MRPL1: variants seen among roughly 807,000 people sequenced by gnomAD.
MRPL1 encodes the protein mitochondrial ribosomal protein L1, also known as large ribosomal subunit protein uL1m.
Under a neutral mutation model 38.0 loss-of-function variants are expected in MRPL1, and 28 were observed. That is an observed-to-expected ratio of 0.74 (90% confidence interval 0.55 to 1.01). The LOEUF is 1.01. MRPL1 is among the 50% of genes least tolerant of loss of function. The pLI, the probability that MRPL1 is intolerant of heterozygous loss-of-function variation, is 0.00. For missense variants in MRPL1, 358 were observed against 389.8 expected (o/e 0.92, Z 0.69); for synonymous variants, 123 against 126.7 (o/e 0.97, Z 0.20).
At chr4:77,882,330 T>C (rs866029626) in intron 2 of MRPL1, among the ~76,000 whole-genome samples, 1 of 152,236 alleles carries the variant, frequency 6.6e-6, no homozygotes, top group African/African-American at 2.4e-5. Flanking sequence ...TAAGGTATCA[T>C]ATAATTACAT....
chr4:77,874,827 G>A (rs1197914325), intron 2 of MRPL1, among the ~76,000 whole-genome samples: 2 of 148,854 alleles, frequency 1.3e-5, no homozygotes, highest in East Asian at 2.0e-4. Flanking sequence ...TGTCGCCCAG[G>A]CTGGAGTGCA....
At chr4:77,936,798 G>T (rs1165696247) in intron 7 of MRPL1, among the ~76,000 whole-genome samples, 2 of 152,078 alleles carry the variant, frequency 1.3e-5, no homozygotes, top group African/African-American at 4.8e-5. Flanking sequence ...TGCATTCTGT[G>T]TCTATGTACG....
chr4:77,947,026 A>AG (rs554725956), intron 7 of MRPL1, among the ~76,000 whole-genome samples: 9,885 of 149,368 alleles, frequency 0.066, 587 homozygotes, highest in African/African-American at 0.15. Context: ...AAAAAAAAAA[A>AG]GTTAAGAACC....
chr4:77,874,867 C>T (rs1461646556), intron 2 of MRPL1, among the ~76,000 whole-genome samples: 6 of 150,912 alleles, frequency 4.0e-5, no homozygotes, highest in Middle Eastern at 3.2e-3. Flanking sequence ...CTGCAACCTC[C>T]GCCTCCCAGG....
At chr4:77,894,497 C>T (rs1735872302) in intron 6 of MRPL1, among the ~76,000 whole-genome samples, 1 of 152,034 alleles carries the variant, frequency 6.6e-6, no homozygotes, top group African/African-American at 2.4e-5. Context: ...CAAAGTCTAG[C>T]TCCCAATTAG....
intron 7 of MRPL1, among the ~76,000 whole-genome samples, chr4:77,912,056 A>T (rs1005323266): frequency 7.9e-5 from 12 of 152,344 alleles, no homozygotes; most frequent in African/African-American, 2.9e-4. Context: ...TTCTGATTAA[A>T]AAGTCTCAGC....
In MRPL1 at chr4:77,909,312, T is replaced by C. The variant is rs777246610; in HGVS notation, c.717T>C (p.Asn239=). 5.0e-6 allele frequency: 8 copies of C among 1,612,168 alleles called. No individual in the cohort carries two copies. The highest frequency in any genetic ancestry group is 5.9e-6 in the Non-Finnish European group (7 of 1,179,280). The change falls in exon 7 of 9, where the codon AAT becomes AAC. Residue 239 remains asparagine (N), a synonymous_variant. Coordinates refer to ENST00000315567, the MANE Select transcript of MRPL1 (RefSeq NM_020236.4). ...DIPKMLELFK[N]GHEIKVDEER... ...CCAAAATGCTTGAATTATTTAAAAA[T>C]GGACATGAAATTAAGGTAGATGAAG...
At chr4:77,926,764 G>A (rs144244309) in intron 7 of MRPL1, among the ~76,000 whole-genome samples, 6,836 of 151,678 alleles carry the variant, frequency 0.045, 190 homozygotes, top group African/African-American at 0.076. Flanking sequence ...GCATGCCACC[G>A]TGCCCAGCTA....
intron 7 of MRPL1, among the ~76,000 whole-genome samples, chr4:77,930,942 C>T (rs1278549020): frequency 6.6e-6 from 1 of 152,144 alleles, no homozygotes; most frequent in African/African-American, 2.4e-5. Flanking sequence ...GGGGGAAAGA[C>T]TCAATGACGA....
At chr4:77,872,100 C>A (rs1735293411) in intron 2 of MRPL1, among the ~76,000 whole-genome samples, 1 of 152,086 alleles carries the variant, frequency 6.6e-6, no homozygotes, top group Non-Finnish European at 1.5e-5. Context: ...TGTTATTATG[C>A]ACAATTTACA....
chr4:77,945,055 TGAATAA>T lies in MRPL1; in HGVS notation c.778-4736_778-4731del, dbSNP rs142062792. Among the ~76,000 whole-genome samples, 1,105 of 151,662 alleles carry T rather than the reference TGAATAA, an allele frequency of 7.3e-3. 6 individuals carry two copies. The highest frequency in any genetic ancestry group is 9.1e-3 in the Non-Finnish European group (620 of 67,926). On this transcript the variant is annotated intron_variant, in intron 7 of 8. Transcript: ENST00000315567. ...TACCTCATAAGGTTCTTGGGAGAAATGAATAAGAATATCTATGTGAACACTCAGAGT... is the reference window on the plus strand; with the variant it reads ...TACCTCATAAGGTTCTTGGGAGAAATGAATATCTATGTGAACACTCAGAGT...
intron 7 of MRPL1, among the ~76,000 whole-genome samples, chr4:77,940,878 C>A (rs1177724394): frequency 1.3e-5 from 2 of 152,170 alleles, no homozygotes; most frequent in African/African-American, 4.8e-5. Context: ...ACTATGCCTG[C>A]ATCCTGATAT....
chr4:77,882,228 T>G (rs1191932589), intron 2 of MRPL1, among the ~76,000 whole-genome samples: 1 of 152,228 alleles, frequency 6.6e-6, no homozygotes, highest in African/African-American at 2.4e-5. Context: ...AATAGCTTCC[T>G]TCTTATACCA....
chr4:77,945,752 A>G (rs919062192), intron 7 of MRPL1, among the ~76,000 whole-genome samples: 5 of 152,102 alleles, frequency 3.3e-5, no homozygotes, highest in Admixed American at 6.6e-5. Flanking sequence ...GTTTTTATTG[A>G]GGACTTCAAA....
chr4:77,870,692 G>A (rs1735261879), intron 1 of MRPL1, among the ~76,000 whole-genome samples: 1 of 152,164 alleles, frequency 6.6e-6, no homozygotes, highest in South Asian at 2.1e-4. Flanking sequence ...GATGCATAAG[G>A]TATTGCTAAC....
At chr4:77,870,701 A>T (rs1183141800) in intron 1 of MRPL1, among the ~76,000 whole-genome samples, 1 of 152,232 alleles carries the variant, frequency 6.6e-6, no homozygotes, top group African/African-American at 2.4e-5. Context: ...GGTATTGCTA[A>T]CATGGGAGAG....
rs540583721 is a variant in MRPL1, at chr4:77,904,179, T to G, written c.671-5087T>G. Among the ~76,000 whole-genome samples, 7 of 150,786 alleles carry G rather than the reference T, an allele frequency of 4.6e-5. No individual in the cohort carries two copies. In the East Asian group the frequency reaches 1.4e-3, roughly 30 times the overall value. ...GGAGGACTGCTCAAGCCCAGGAGATTGAGGCTGCAGTGAGCTGAGATCGTG... is the reference window on the plus strand; with the variant it reads ...GGAGGACTGCTCAAGCCCAGGAGATGGAGGCTGCAGTGAGCTGAGATCGTG... On this transcript the variant is annotated intron_variant, in intron 6 of 8. Transcript: ENST00000315567.
chr4:77,890,525 A>G (rs867049118), intron 5 of MRPL1, among the ~76,000 whole-genome samples: 39 of 152,328 alleles, frequency 2.6e-4, no homozygotes, highest in African/African-American at 8.7e-4. Context: ...CCCACAGCCA[A>G]TATCATACTG....
At chr4:77,895,002 G>A (rs1289632690) in intron 6 of MRPL1, among the ~76,000 whole-genome samples, 1 of 152,128 alleles carries the variant, frequency 6.6e-6, no homozygotes, top group Non-Finnish European at 1.5e-5. Context: ...TGACTGTGGG[G>A]AGTGGTACCC....
Sources: gnomAD v4.1 joint callset for allele counts (sites outside exome capture counted in the v4.1 genomes callset) on GRCh38, gnomAD v4.1.1 for gene constraint, MANE v1.5 for transcripts, NCBI Gene and HGNC (gene_info 2026-07-23, HGNC 2026-07-21) for gene names.